ROCK1: variants seen among roughly 807,000 people sequenced by gnomAD.
ROCK1 encodes rho-associated protein kinase 1.
ROCK1 carries 36 observed loss-of-function variants against 196.8 expected under a neutral mutation model. That is an observed-to-expected ratio of 0.18 (90% CI 0.14 to 0.24). The LOEUF (loss-of-function observed/expected upper bound fraction) is 0.24. ROCK1 is among the 10% of genes least tolerant of loss of function. The pLI, the probability that ROCK1 is intolerant of heterozygous loss-of-function variation, is 1.00. For missense variants in ROCK1, 920 were observed against 1,562.0 expected (o/e 0.59, Z 6.93); for synonymous variants, 443 against 515.9 (o/e 0.86, Z 1.91).
At chr18:20,973,566 C>G (rs1201268253) in intron 22 of ROCK1, among the ~76,000 whole-genome samples, 2 of 152,088 alleles carry the variant, frequency 1.3e-5, no homozygotes, top group African/African-American at 2.4e-5. Context: ...CATGAGTCAC[C>G]ACACCCGACC....
In ROCK1 at chr18:21,087,645, G is replaced by A. The variant is rs111592952; in HGVS notation, c.94-17032C>T. ...AGGCACAATAATCTGAACCATGTAC[G>A]CTCAGAACAACAGAACTGCAACACA... On this transcript the variant is annotated intron_variant, in intron 1 of 32. Coordinates refer to ENST00000399799, the MANE Select transcript of ROCK1 (RefSeq NM_005406.3). 2.0e-3 allele frequency among the ~76,000 whole-genome samples: 304 copies of A among 151,748 alleles called. 3 individuals carry two copies. The highest frequency in any genetic ancestry group is 3.1e-3 in the Non-Finnish European group (208 of 67,878).
intron 16 of ROCK1, among the ~76,000 whole-genome samples, chr18:21,004,391 A>G (rs2035751652): frequency 6.6e-6 from 1 of 152,184 alleles, no homozygotes; most frequent in Non-Finnish European, 1.5e-5. Context: ...GATTTTTTTA[A>G]AAACCCACAA....
intron 1 of ROCK1, among the ~76,000 whole-genome samples, chr18:21,075,244 TA>T (rs1241377121): frequency 6.6e-6 from 1 of 151,906 alleles, no homozygotes; most frequent in Non-Finnish European, 1.5e-5. Context: ...AATACAAGCA[TA>T]AAAGGATAAA....
chr18:21,050,677 G>A (rs2036196716), intron 2 of ROCK1, among the ~76,000 whole-genome samples: 2 of 152,278 alleles, frequency 1.3e-5, no homozygotes, highest in South Asian at 4.1e-4. Context: ...AATAAGAGCT[G>A]TATTAATATT....
At chr18:21,044,209 C>T in intron 5 of ROCK1, 23 bp from the exon 6 acceptor site, 2 of 1,545,190 alleles carry the variant, frequency 1.3e-6, no homozygotes, top group African/African-American at 1.4e-5. Context: ...AAAAATAGTA[C>T]AGTATTTTCT....
At chr18:21,035,922 A>G (rs781401037) in intron 9 of ROCK1, among the ~76,000 whole-genome samples, 13 of 152,190 alleles carry the variant, frequency 8.5e-5, no homozygotes, top group Non-Finnish European at 2.9e-5. Context: ...GGAAATGGAG[A>G]GTTACTATTT....
chr18:20,980,249 A>G (rs1389487397), intron 21 of ROCK1, among the ~76,000 whole-genome samples: 2 of 152,166 alleles, frequency 1.3e-5, no homozygotes, highest in Non-Finnish European at 2.9e-5. Context: ...TAAAAAAAAA[A>G]CAAAAAACAA....
chr18:20,963,751 G>A (rs1026374529), intron 27 of ROCK1, among the ~76,000 whole-genome samples: 25 of 152,110 alleles, frequency 1.6e-4, no homozygotes, highest in African/African-American at 5.6e-4. Flanking sequence ...TCACATTAAA[G>A]TTTTTTGTCA....
chr18:20,956,506 A>T (rs1194119320), intron 29 of ROCK1, among the ~76,000 whole-genome samples: 10 of 152,228 alleles, frequency 6.6e-5, no homozygotes, highest in Non-Finnish European at 1.5e-5. Flanking sequence ...TGTGGAATTG[A>T]TCCCAAAACC....
At chr18:21,081,233 C>T (rs772180161) in intron 1 of ROCK1, among the ~76,000 whole-genome samples, 4 of 151,768 alleles carry the variant, frequency 2.6e-5, no homozygotes, top group Admixed American at 6.6e-5. Flanking sequence ...AAATTACAAA[C>T]GTGGAAATTA....
rs930819259 is a variant in ROCK1, at chr18:21,060,839, C to CAAA, written c.175+9690_175+9692dup. Among the ~76,000 whole-genome samples, 147 of 44,548 alleles carry CAAA rather than the reference C, an allele frequency of 3.3e-3. 1 individual carries two copies. The highest frequency in any genetic ancestry group is 4.4e-3 in the Non-Finnish European group (87 of 19,932). The allele number at this position is 44,548 out of a possible 152,430, so 29.2% of individuals were successfully genotyped here. On this transcript the variant is annotated intron_variant, in intron 2 of 32. Transcript: ENST00000399799. ...GGGCGAGAAGAGCGAAACTCCATCTCAAAAAAAAAAAAAAAAAAAAAACCT... is the reference window on the plus strand; with the variant it reads ...GGGCGAGAAGAGCGAAACTCCATCTCAAAAAAAAAAAAAAAAAAAAAAAAACCT...
At chr18:21,088,505 A>G (rs965864081) in intron 1 of ROCK1, among the ~76,000 whole-genome samples, 1 of 152,212 alleles carries the variant, frequency 6.6e-6, no homozygotes, top group African/African-American at 2.4e-5. Context: ...GTCTTAAAAT[A>G]AATTTTTTAA....
chr18:21,028,109 T>C (rs2035976315), intron 10 of ROCK1, among the ~76,000 whole-genome samples: 1 of 149,986 alleles, frequency 6.7e-6, no homozygotes, highest in Admixed American at 6.6e-5. Flanking sequence ...AATATGGTGA[T>C]GATAATGCTA....
intron 1 of ROCK1, among the ~76,000 whole-genome samples, chr18:21,100,985 A>G (rs1463279771): frequency 6.6e-6 from 1 of 152,182 alleles, no homozygotes; most frequent in African/African-American, 2.4e-5. Flanking sequence ...ACCTTTGTAA[A>G]CAGTCCTTTA....
chr18:21,102,491 C>T (rs1220413662), intron 1 of ROCK1, among the ~76,000 whole-genome samples: 2 of 152,178 alleles, frequency 1.3e-5, no homozygotes, highest in East Asian at 3.9e-4. Context: ...GAATTCCTAG[C>T]ACACAGTACA....
At chr18:21,046,132 G>A (rs921186903) in intron 4 of ROCK1, among the ~76,000 whole-genome samples, 5 of 151,854 alleles carry the variant, frequency 3.3e-5, no homozygotes, top group African/African-American at 7.3e-5. Context: ...GGATGGTCTC[G>A]ATCTCCTGAC....
In ROCK1 at chr18:20,950,185, G is replaced by A. The variant is rs941425981; in HGVS notation, c.*1199C>T. 1 of 152,538 alleles carries A rather than the reference G, an allele frequency of 6.6e-6. No homozygotes were observed. The highest frequency in any genetic ancestry group is 1.5e-5 in the Non-Finnish European group (1 of 68,040). The allele number at this position is 152,538 out of a possible 1,614,324, so 9.4% of individuals were successfully genotyped here. On this transcript the variant is annotated 3_prime_UTR_variant, in exon 33 of 33. Coordinates refer to ENST00000399799, the MANE Select transcript of ROCK1 (RefSeq NM_005406.3). Reference sequence around the variant, plus strand: ...TTATCTGGTAATTCCTATGTTAACTGGAAAACATCATGGATGTATTGCCAT... The same window carrying A: ...TTATCTGGTAATTCCTATGTTAACTAGAAAACATCATGGATGTATTGCCAT...
intron 10 of ROCK1, among the ~76,000 whole-genome samples, chr18:21,027,473 G>C (rs1598533819): frequency 6.6e-6 from 1 of 152,270 alleles, no homozygotes; most frequent in East Asian, 1.9e-4. Flanking sequence ...GTACATTAGA[G>C]TAAAGCTAAC....
chr18:20,980,448 T>C (rs2035520300), intron 21 of ROCK1, among the ~76,000 whole-genome samples: 1 of 152,080 alleles, frequency 6.6e-6, no homozygotes, highest in African/African-American at 2.4e-5. Context: ...GGAAAAACAG[T>C]CATTGTCTGT....
Sources: gnomAD v4.1 joint callset for allele counts (sites outside exome capture counted in the v4.1 genomes callset) on GRCh38, gnomAD v4.1.1 for gene constraint, MANE v1.5 for transcripts, NCBI Gene and HGNC (gene_info 2026-07-23, HGNC 2026-07-21) for gene names.